Variants in DENND2B observed in about 807,000 individuals in gnomAD.
The protein encoded by DENND2B is DENN domain containing 2B, also known as DENN domain-containing protein 2B.
Under a neutral mutation model 116.0 loss-of-function variants are expected in DENND2B, and 32 were observed. The ratio of observed to expected loss-of-function variants is 0.28; its 90% CI spans 0.21 to 0.37. DENND2B has a LOEUF of 0.37. Ranked by LOEUF, DENND2B falls within the 10% of genes least tolerant of loss-of-function variation. DENND2B has a pLI of 1.00. For synonymous variants in DENND2B, 588 were observed against 583.9 expected, an observed-to-expected ratio of 1.01 and a Z score of -0.10; for missense variants, 1,276 against 1,477.7, an observed-to-expected ratio of 0.86 and a Z score of 2.24.
intron 1 of DENND2B, among the ~76,000 whole-genome samples, chr11:8,909,437 G>GGAGGAA (rs1555224067): frequency 3.9e-4 from 58 of 148,876 alleles, no homozygotes; most frequent in African/African-American, 5.7e-4. Context: ...AGGAGGAGGA[G>GGAGGAA]GAAGAAGGAG....
At chr11:8,788,150 C>A (rs947481092) in intron 1 of DENND2B, among the ~76,000 whole-genome samples, 5 of 152,116 alleles carry the variant, frequency 3.3e-5, no homozygotes, top group African/African-American at 1.2e-4. Context: ...TCTACTCAAC[C>A]CATCCAAACC....
chr11:8,866,001 C>G (rs993021654), intron 2 of DENND2B, among the ~76,000 whole-genome samples: 4 of 151,932 alleles, frequency 2.6e-5, no homozygotes, highest in African/African-American at 4.8e-5. Flanking sequence ...GCTCTGTCGC[C>G]CAGGCTGGAG....
intron 1 of DENND2B, among the ~76,000 whole-genome samples, chr11:8,782,607 C>T (rs530667466): frequency 1.3e-5 from 2 of 152,172 alleles, no homozygotes; most frequent in South Asian, 4.1e-4. Flanking sequence ...ATATTGTTGG[C>T]CGGGCGCAGT....
intron 1 of DENND2B, among the ~76,000 whole-genome samples, chr11:8,779,686 G>A (rs1202416596): frequency 6.6e-6 from 1 of 151,880 alleles, no homozygotes; most frequent in Non-Finnish European, 1.5e-5. Context: ...CTAATATTTT[G>A]TATTTTCAGT....
chr11:8,818,670 A>C (rs998919384), intron 4 of DENND2B, among the ~76,000 whole-genome samples: 5 of 152,186 alleles, frequency 3.3e-5, no homozygotes, highest in African/African-American at 1.2e-4. Context: ...ACTGCACCAA[A>C]GCTCATTCAG....
upstream of DENND2B, among the ~76,000 whole-genome samples, chr11:8,814,267 C>CGTTTT (rs1555204789): frequency 8.2e-6 from 1 of 121,510 alleles, no homozygotes; most frequent in Non-Finnish European, 1.6e-5. Flanking sequence ...TCTGAATCAC[C>CGTTTT]TTTTTTTTTT....
At chr11:8,716,462 C>T (rs1008913204) in intron 5 of DENND2B, among the ~76,000 whole-genome samples, 3 of 152,176 alleles carry the variant, frequency 2.0e-5, no homozygotes. Context: ...ATCCTTGTCG[C>T]GGACCCTGTC....
intron 3 of DENND2B, among the ~76,000 whole-genome samples, chr11:8,726,697 C>T (rs1263013296): frequency 1.3e-5 from 2 of 152,206 alleles, no homozygotes; most frequent in Non-Finnish European, 2.9e-5. Flanking sequence ...GAATTGAGTG[C>T]CTGGTCTGCC....
chr11:8,888,577 A>G (rs887956355), intron 1 of DENND2B, among the ~76,000 whole-genome samples: 1 of 152,216 alleles, frequency 6.6e-6, no homozygotes, highest in African/African-American at 2.4e-5. Flanking sequence ...GATATATTGC[A>G]CTGCATTAAA....
intron 1 of DENND2B, among the ~76,000 whole-genome samples, chr11:8,767,023 A>G (rs2055938718): frequency 6.6e-6 from 1 of 152,140 alleles, no homozygotes; most frequent in Non-Finnish European, 1.5e-5. Context: ...CCAAATATGA[A>G]GATGATCTCA....
At chr11:8,733,907 G>A (rs914996196) in intron 2 of DENND2B, among the ~76,000 whole-genome samples, 1 of 152,252 alleles carries the variant, frequency 6.6e-6, no homozygotes, top group Admixed American at 6.5e-5. Context: ...GAGTAGACTG[G>A]CCCTTTCCTC....
At chr11:8,871,829 A>T (rs1323258122), upstream of DENND2B, among the ~76,000 whole-genome samples, 1 of 152,236 alleles carries the variant, frequency 6.6e-6, no homozygotes, top group Non-Finnish European at 1.5e-5. Flanking sequence ...TATTAGTGGA[A>T]TTTGAAGGAA....
chr11:8,759,306 G>A (rs929155198), intron 1 of DENND2B, among the ~76,000 whole-genome samples: 4 of 152,178 alleles, frequency 2.6e-5, no homozygotes, highest in African/African-American at 4.8e-5. Flanking sequence ...AGTATGCCTT[G>A]CTCTTGAAGC....
At chr11:8,708,930 C>G (rs989832658) in intron 11 of DENND2B, among the ~76,000 whole-genome samples, 1 of 146,318 alleles carries the variant, frequency 6.8e-6, no homozygotes, top group Admixed American at 6.9e-5. Context: ...CCAGCCTGGG[C>G]AACAAGAATG....
At chr11:8,776,717 T>A (rs534232898) in intron 1 of DENND2B, 1 of 163,556 alleles carries the variant, frequency 6.1e-6, no homozygotes, top group South Asian at 1.7e-4. Context: ...TGTGACCACC[T>A]TGGGTAGCAC....
intron 1 of DENND2B, among the ~76,000 whole-genome samples, chr11:8,908,169 AC>A (rs2064263142): frequency 6.6e-6 from 1 of 152,258 alleles, no homozygotes. Context: ...GAGAGAAGAA[AC>A]CATAACTACA....
At chr11:8,830,801 T>C (rs991839497) in intron 4 of DENND2B, 2 of 152,248 alleles carry the variant, frequency 1.3e-5, no homozygotes, top group African/African-American at 4.8e-5. Flanking sequence ...CAGAACAGCA[T>C]GCAGACAGCT....
chr11:8,764,852 G>A (rs372848935), intron 1 of DENND2B, among the ~76,000 whole-genome samples: 39 of 149,918 alleles, frequency 2.6e-4, no homozygotes, highest in African/African-American at 9.3e-4. Flanking sequence ...GGCTGAGGCA[G>A]GAGAATCGCT....
intron 1 of DENND2B, among the ~76,000 whole-genome samples, chr11:8,765,789 G>GT (rs1219739380): frequency 6.6e-6 from 1 of 152,008 alleles, no homozygotes; most frequent in Non-Finnish European, 1.5e-5. Context: ...TGTAATCCTA[G>GT]TACTTTGGGA....
Sources: allele counts gnomAD v4.1 joint callset (sites outside exome capture counted in the v4.1 genomes callset), GRCh38; gene constraint gnomAD v4.1.1; transcripts MANE v1.5; gene names NCBI Gene and HGNC (gene_info 2026-07-23, HGNC 2026-07-21).